Variants in MALRD1 observed in about 807,000 individuals in gnomAD.
MALRD1 encodes MAM and LDL-receptor class A domain-containing protein 1.
Under a neutral mutation model 242.1 loss-of-function variants are expected in MALRD1, and 247 were observed. The observed-to-expected ratio is 1.02, with a 90% CI of 0.92 to 1.13. The LOEUF is 1.13. Ranked by LOEUF, MALRD1 falls within the 50% of genes most tolerant of loss-of-function variation. The probability of loss-of-function intolerance (pLI) is 0.00; values close to 1 mark genes in which losing one functional copy is unlikely to be tolerated. For synonymous variants in MALRD1, 995 were observed against 866.6 expected (o/e 1.15, Z -2.60); for missense variants, 2,989 against 2,533.1 (o/e 1.18, Z -3.86).
chr10:19,272,499 C>T (rs1038543923), intron 19 of MALRD1, among the ~76,000 whole-genome samples: 6 of 151,948 alleles, frequency 3.9e-5, no homozygotes, highest in Non-Finnish European at 7.4e-5. Context: ...AAAAATATTT[C>T]GTTTTAAATT....
intron 19 of MALRD1, among the ~76,000 whole-genome samples, chr10:19,260,307 C>G (rs1004888109): frequency 2.0e-5 from 3 of 152,088 alleles, no homozygotes; most frequent in Non-Finnish European, 4.4e-5. Context: ...ACAGATAGAT[C>G]TTAATCATAG....
intron 28 of MALRD1, among the ~76,000 whole-genome samples, chr10:19,420,294 G>A (rs984271067): frequency 6.6e-6 from 1 of 152,158 alleles, no homozygotes; most frequent in African/African-American, 2.4e-5. Flanking sequence ...GGGTGGAGTA[G>A]GTAATCGGAA....
At chr10:19,337,795 G>T (rs1186547855) in intron 24 of MALRD1, among the ~76,000 whole-genome samples, 1 of 151,956 alleles carries the variant, frequency 6.6e-6, no homozygotes, top group African/African-American at 2.4e-5. Flanking sequence ...GGGTGCGGTG[G>T]TTCACGACTG....
At chr10:19,393,082 A>G (rs776970664) in intron 28 of MALRD1, among the ~76,000 whole-genome samples, 1 of 152,238 alleles carries the variant, frequency 6.6e-6, no homozygotes, top group African/African-American at 2.4e-5. Context: ...AATTAAGTTT[A>G]GAAAGTCTGC....
At position 19,171,669 on chromosome 10, in the gene MALRD1, TATAA is replaced by T. The variant is rs199580271; in HGVS notation, c.1831-3535_1831-3532del. Reference sequence around the variant, plus strand: ...ACACATATATATGTCTATGTGTGTATATAAATACACACATATATGTGTGTATGTG... The same window carrying T: ...ACACATATATATGTCTATGTGTGTATATACACACATATATGTGTGTATGTG... On this transcript the variant is annotated intron_variant, in intron 13 of 39. Coordinates refer to ENST00000454679, the MANE Select transcript of MALRD1 (RefSeq NM_001142308.3). Among the ~76,000 whole-genome samples the T allele has an allele frequency of 2.8e-3, 390 of 141,782 alleles. 36 individuals carry two copies. Among genetic ancestry groups the T allele is most frequent in the African/African-American group, 9.7e-3 (360 of 37,268 alleles). The allele number at this position is 141,782 out of a possible 152,430, so 93.0% of individuals were successfully genotyped here. A position where few individuals can be genotyped will look rare whatever the true frequency, so the allele number is the denominator to read the frequency against.
intron 32 of MALRD1, among the ~76,000 whole-genome samples, chr10:19,546,149 A>C (rs1045297318): frequency 5.9e-5 from 9 of 152,094 alleles, no homozygotes; most frequent in African/African-American, 2.2e-4. Context: ...TTAGTGTTCT[A>C]TTTCTATAGA....
intron 18 of MALRD1, among the ~76,000 whole-genome samples, chr10:19,237,686 A>C (rs181230131): frequency 8.4e-6 from 1 of 119,294 alleles, no homozygotes; most frequent in Non-Finnish European, 1.6e-5. Flanking sequence ...TATATAATTT[A>C]TATATAAATA....
At chr10:19,432,799 A>G (rs923676771) in intron 28 of MALRD1, among the ~76,000 whole-genome samples, 24 of 152,324 alleles carry the variant, frequency 1.6e-4, no homozygotes, top group African/African-American at 5.5e-4. Flanking sequence ...CTTTTCTGTA[A>G]TTCCAATGAT....
intron 21 of MALRD1, among the ~76,000 whole-genome samples, chr10:19,320,393 C>A (rs1363841190): frequency 1.3e-5 from 2 of 152,100 alleles, no homozygotes; most frequent in African/African-American, 4.8e-5. Flanking sequence ...CTGCAAAGGA[C>A]ATGAACTCAT....
At chr10:19,300,787 G>A (rs972451085) in intron 21 of MALRD1, among the ~76,000 whole-genome samples, 1 of 151,978 alleles carries the variant, frequency 6.6e-6, no homozygotes, top group Admixed American at 6.6e-5. Flanking sequence ...ATACTATTCT[G>A]GACATATACC....
At chr10:19,289,077 T>C (rs941497010) in intron 21 of MALRD1, among the ~76,000 whole-genome samples, 1 of 152,126 alleles carries the variant, frequency 6.6e-6, no homozygotes. Flanking sequence ...TTTTTTTCTT[T>C]AATTTTTTTC....
intron 33 of MALRD1, among the ~76,000 whole-genome samples, chr10:19,585,972 C>T (rs1384931406): frequency 6.6e-6 from 1 of 152,130 alleles, no homozygotes; most frequent in Non-Finnish European, 1.5e-5. Flanking sequence ...TCATTTCATT[C>T]ATTTCATCTT....
At chr10:19,593,676 C>G (rs74122015) in intron 33 of MALRD1, among the ~76,000 whole-genome samples, 2,068 of 152,276 alleles carry the variant, frequency 0.014, 35 homozygotes, top group African/African-American at 0.047. Flanking sequence ...CATACATTCT[C>G]TGACCTTTAG....
At chr10:19,355,858 T>TATATATGATATATATATA (rs57813656) in intron 26 of MALRD1, among the ~76,000 whole-genome samples, 3 of 94,924 alleles carry the variant, frequency 3.2e-5, no homozygotes, top group African/African-American at 1.1e-4. Context: ...TATATATATA[T>TATATATGATATATATATA]TATATATGAT....
intron 33 of MALRD1, among the ~76,000 whole-genome samples, chr10:19,591,282 A>T (rs955603746): frequency 6.6e-6 from 1 of 152,228 alleles, no homozygotes. Context: ...AAGGAATTGT[A>T]TATTATTATC....
intron 14 of MALRD1, among the ~76,000 whole-genome samples, chr10:19,179,355 T>C (rs988866720): frequency 3.3e-5 from 5 of 152,248 alleles, no homozygotes; most frequent in Admixed American, 1.3e-4. Flanking sequence ...AAATGTGTTG[T>C]GGGGGTAGAT....
chr10:19,659,317 CA>C (rs1438144736), intron 36 of MALRD1, among the ~76,000 whole-genome samples: 2 of 152,056 alleles, frequency 1.3e-5, no homozygotes, highest in Non-Finnish European at 2.9e-5. Flanking sequence ...GTAAGACTTA[CA>C]ATAGTCCTGG....
At chr10:19,053,721 C>G (rs1466855186) in intron 1 of MALRD1, among the ~76,000 whole-genome samples, 2 of 151,850 alleles carry the variant, frequency 1.3e-5, no homozygotes, top group African/African-American at 4.8e-5. Context: ...ATTTGACATC[C>G]TGTAAGTGAA....
At chr10:19,379,738 A>G (rs1020307934) in intron 26 of MALRD1, among the ~76,000 whole-genome samples, 2 of 152,070 alleles carry the variant, frequency 1.3e-5, no homozygotes, top group African/African-American at 4.8e-5. Flanking sequence ...GTCCTTGAAA[A>G]CAATGTATAT....
Sources: allele counts gnomAD v4.1 joint callset (sites outside exome capture counted in the v4.1 genomes callset), GRCh38; gene constraint gnomAD v4.1.1; transcripts MANE v1.5; gene names NCBI Gene and HGNC (gene_info 2026-07-23, HGNC 2026-07-21).